The following ADCK1 variants were observed in gnomAD, a reference collection of about 807,000 sequenced individuals.
ADCK1 encodes aarF domain containing kinase 1, also known as aarF domain-containing protein kinase 1.
ADCK1 carries 41 observed loss-of-function variants against 52.3 expected under a neutral mutation model. The observed-to-expected ratio is 0.78, with a 90% confidence interval of 0.61 to 1.02. ADCK1 has a LOEUF of 1.02. Among genes scored for constraint, ADCK1 ranks in the 50% least tolerant of loss-of-function variants. The probability of loss-of-function intolerance (pLI) is 0.00; values close to 1 mark genes in which losing one functional copy is unlikely to be tolerated. For synonymous variants in ADCK1, 250 were observed against 274.6 expected (o/e 0.91, Z 0.89); for missense variants, 658 against 679.5 (o/e 0.97, Z 0.35).
At chr14:77,904,666 T>C (rs748675811) in intron 6 of ADCK1, among the ~76,000 whole-genome samples, 15 of 152,216 alleles carry the variant, frequency 9.9e-5, no homozygotes, top group Non-Finnish European at 1.8e-4. Context: ...GGGGTCCAGA[T>C]TGGCATCCGT....
At chr14:77,874,998 G>A (rs1411654758) in intron 4 of ADCK1, among the ~76,000 whole-genome samples, 1 of 152,152 alleles carries the variant, frequency 6.6e-6, no homozygotes, top group Non-Finnish European at 1.5e-5. Flanking sequence ...GAGGGGCTTG[G>A]TGGCAGCAGG....
intron 3 of ADCK1, among the ~76,000 whole-genome samples, chr14:77,849,337 A>G (rs1304353112): frequency 6.6e-6 from 1 of 152,072 alleles, no homozygotes. Flanking sequence ...GCCTTCCAAT[A>G]TGTTGGGATT....
At chr14:77,854,964 C>T (rs1350019914) in intron 3 of ADCK1, among the ~76,000 whole-genome samples, 3 of 152,206 alleles carry the variant, frequency 2.0e-5, no homozygotes, top group Non-Finnish European at 4.4e-5. Context: ...CCCTAATTGC[C>T]CCATCATTAG....
chr14:77,841,396 T>A (rs1451044046), intron 3 of ADCK1, among the ~76,000 whole-genome samples: 2 of 152,040 alleles, frequency 1.3e-5, no homozygotes, highest in East Asian at 3.9e-4. Flanking sequence ...TACGTGGCAG[T>A]GAAGAGTTAG....
At chr14:77,836,267 A>G (rs2081957877) in intron 3 of ADCK1, among the ~76,000 whole-genome samples, 1 of 152,168 alleles carries the variant, frequency 6.6e-6, no homozygotes, top group Non-Finnish European at 1.5e-5. Context: ...CAGCCTCTAG[A>G]ACTATTTAAA....
At chr14:77,840,437 C>T (rs554552082) in intron 3 of ADCK1, among the ~76,000 whole-genome samples, 17 of 152,252 alleles carry the variant, frequency 1.1e-4, no homozygotes, top group African/African-American at 3.6e-4. Context: ...GTCCTTCTCC[C>T]CCTCCCATCT....
At chr14:77,894,345 G>T (rs1370017483) in intron 5 of ADCK1, among the ~76,000 whole-genome samples, 1 of 152,146 alleles carries the variant, frequency 6.6e-6, no homozygotes, top group Admixed American at 6.5e-5. Flanking sequence ...TCTATTTAGT[G>T]TGCTGTTTTC....
chr14:77,817,265 G>A (rs1367842962), intron 1 of ADCK1, among the ~76,000 whole-genome samples: 1 of 152,156 alleles, frequency 6.6e-6, no homozygotes, highest in Non-Finnish European at 1.5e-5. Flanking sequence ...ATGAAGATAA[G>A]CTTGTTTGTA....
At chr14:77,822,588 G>A (rs571107264) in intron 3 of ADCK1, 70 bp downstream of exon 3, 1 of 1,319,126 alleles carries the variant, frequency 7.6e-7, no homozygotes, top group South Asian at 1.2e-5. Context: ...ATGCTCTAGT[G>A]ATCCTCCCAC....
chr14:77,863,944 C>T (rs367834657), intron 4 of ADCK1, among the ~76,000 whole-genome samples: 1 of 152,058 alleles, frequency 6.6e-6, no homozygotes, highest in African/African-American at 2.4e-5. Context: ...GGAAATGAGG[C>T]CAGCTGCTGG....
chr14:77,918,142 A>C (rs890179074), intron 7 of ADCK1, among the ~76,000 whole-genome samples: 9 of 152,216 alleles, frequency 5.9e-5, no homozygotes, highest in Non-Finnish European at 8.8e-5. Flanking sequence ...ACCCCTGTCA[A>C]CTTCAGTAGG....
At chr14:77,892,502 T>C (rs2140221766) in intron 5 of ADCK1, among the ~76,000 whole-genome samples, 1 of 152,304 alleles carries the variant, frequency 6.6e-6, no homozygotes, top group South Asian at 2.1e-4. Flanking sequence ...TTGTAATGAC[T>C]CAGACTCTTT....
rs774397600 is a variant in ADCK1 at position 77,819,010 on chromosome 14, G to C, written c.32G>C (p.Trp11Ser). Residue 11 changes from tryptophan (W) to serine (S), a missense_variant, in exon 2 of 11, where the codon TGG (tryptophan) becomes TCG (serine). Transcript: ENST00000238561. ...AGAAAGGCTCTCAAGCTTGCTTCGTGGACCAGCATGGCTCTTGCTGCCTCT... is the reference window on the plus strand; with the variant it reads ...AGAAAGGCTCTCAAGCTTGCTTCGTCGACCAGCATGGCTCTTGCTGCCTCT... MARKALKLAS[W>S]TSMALAASGI... 2.5e-6 allele frequency: 4 copies of C among 1,614,148 alleles called. No homozygotes were observed. The South Asian group carries it at 4.4e-5, about 18-fold the overall frequency.
chr14:77,817,861 G>A (rs928708176), intron 1 of ADCK1, among the ~76,000 whole-genome samples: 1 of 151,550 alleles, frequency 6.6e-6, no homozygotes, highest in South Asian at 2.1e-4. Context: ...TTAGCCTCCC[G>A]AGTAGCTGGG....
intron 3 of ADCK1, among the ~76,000 whole-genome samples, chr14:77,858,695 T>C (rs1298337115): frequency 6.6e-6 from 1 of 152,166 alleles, no homozygotes; most frequent in Admixed American, 6.5e-5. Flanking sequence ...AATTGGTATG[T>C]CTGAGGGGTG....
chr14:77,929,699 C>T (rs550556164), intron 9 of ADCK1, among the ~76,000 whole-genome samples: 3 of 152,030 alleles, frequency 2.0e-5, no homozygotes, highest in Non-Finnish European at 4.4e-5. Flanking sequence ...CAGAGTCTCG[C>T]TCTGTTGTCT....
chr14:77,928,977 C>CCCCGTCTTGT (rs1282986534), intron 9 of ADCK1, among the ~76,000 whole-genome samples: 10 of 152,302 alleles, frequency 6.6e-5, no homozygotes, highest in Non-Finnish European at 1.5e-4. Context: ...AAGGCAAAGA[C>CCCCGTCTTGT]CCCGTCTTGT....
intron 4 of ADCK1, among the ~76,000 whole-genome samples, chr14:77,862,286 T>A (rs1231393792): frequency 1.3e-5 from 2 of 152,182 alleles, no homozygotes; most frequent in African/African-American, 4.8e-5. Context: ...TCCTCAAAAG[T>A]GACCTCGTTC....
intron 5 of ADCK1, among the ~76,000 whole-genome samples, chr14:77,898,540 CA>C (rs1010414175): frequency 6.6e-6 from 1 of 151,768 alleles, no homozygotes; most frequent in African/African-American, 2.4e-5. Context: ...AATGCAGGAA[CA>C]AAAAAACCCA....
Sources: allele counts gnomAD v4.1 joint callset (sites outside exome capture counted in the v4.1 genomes callset), GRCh38; gene constraint gnomAD v4.1.1; transcripts MANE v1.5; gene names NCBI Gene and HGNC (gene_info 2026-07-23, HGNC 2026-07-21).